The following ZNF497 variants were observed in gnomAD, a reference collection of about 807,000 sequenced individuals.
ZNF497 encodes zinc finger-like protein.
For synonymous variants in ZNF497, 422 were observed against 313.7 expected (o/e 1.35, Z -3.65); for missense variants, 930 against 714.0 (o/e 1.30, Z -3.45).
rs2052035527 is a variant in ZNF497 at position 58,357,144 on chromosome 19, G to A, written c.492C>T (p.Cys164=). The A allele has an allele frequency of 1.9e-6, 3 of 1,603,022 alleles. No homozygotes were observed. Among genetic ancestry groups the A allele is most frequent in the Non-Finnish European group, 2.6e-6 (3 of 1,172,558 alleles). The change falls in exon 3 of 3, where the codon TGC becomes TGT. Residue 164 remains cysteine, a synonymous_variant. Transcript: ENST00000311044. ...RIHSGEKPYA[C]RECGKAFRAH... ...CGCGGAAGGCCTTGCCGCACTCCCTGCAAGCGTAGGGCTTCTCGCCGCTGT... is the reference window on the plus strand; with the variant it reads ...CGCGGAAGGCCTTGCCGCACTCCCTACAAGCGTAGGGCTTCTCGCCGCTGT...
Position 58,355,966 on chromosome 19 carries a change from G to A in ZNF497, c.*173C>T, listed in dbSNP as rs2052011985. 5.6e-6 allele frequency: 4 copies of A among 719,070 alleles called. No individual in the cohort carries two copies. The highest frequency in any genetic ancestry group is 2.2e-5 in the South Asian group (1 of 45,304). The allele number at this position is 719,070 out of a possible 1,614,324, so 44.5% of individuals were successfully genotyped here. A position where few individuals can be genotyped will look rare whatever the true frequency, so the allele number is the denominator to read the frequency against. ...AGGCCTGGGTGGCCGGTGGACTATC[G>A]TCAAAGGGACTGTGCAGCCAGGGTT... On this transcript the variant is annotated 3_prime_UTR_variant, in exon 3 of 3. Transcript: ENST00000311044.
intron 2 of ZNF497, chr19:58,357,967 T>C (rs1294820386): frequency 3.1e-6 from 4 of 1,300,466 alleles, no homozygotes; most frequent in East Asian, 7.1e-5. Context: ...CTGGCCCTAC[T>C]GTGGCACCAC....
At position 58,356,902 on chromosome 19, in the gene ZNF497, G is replaced by T. The variant is rs756819130; in HGVS notation, c.734C>A (p.Pro245Gln). ...CTTGCCACAGTCCCGGCAGGCGTGCGGCCGCGCGCCCGTGTGCACGCGCCG... is the reference window on the plus strand; with the variant it reads ...CTTGCCACAGTCCCGGCAGGCGTGCTGCCGCGCGCCCGTGTGCACGCGCCG... ...EHRRVHTGAR[P>Q]HACRDCGKAF... Residue 245 changes from proline (P) to glutamine (Q), a missense_variant, in exon 3 of 3, where the codon CCG becomes CAG. Physicochemically the swap from Pro to Gln is moderately conservative, Grantham distance 76. Transcript: ENST00000311044. 1 of 1,591,906 alleles carries T rather than the reference G, an allele frequency of 6.3e-7. No individual in the cohort carries two copies.
rs927963522 is a variant in ZNF497 at position 58,359,063 on chromosome 19, G to T, written c.-111-478C>A. 9.4e-6 allele frequency: 6 copies of T among 635,760 alleles called. No homozygotes were observed. In the African/African-American group the frequency reaches 1.1e-4, roughly 12 times the overall value. The allele number at this position is 635,760 out of a possible 1,614,324, so 39.4% of individuals were successfully genotyped here. A position where few individuals can be genotyped will look rare whatever the true frequency, so the allele number is the denominator to read the frequency against. On this transcript the variant is annotated intron_variant, in intron 1 of 2. Coordinates refer to ENST00000311044, the MANE Select transcript of ZNF497 (RefSeq NM_198458.3). ...CAAGAGCTCCAGCATCTGCTCCTTGGAGCAGGCCTCAGGCATCAGCCACTG... is the reference window on the plus strand; with the variant it reads ...CAAGAGCTCCAGCATCTGCTCCTTGTAGCAGGCCTCAGGCATCAGCCACTG...
intron 1 of ZNF497, among the ~76,000 whole-genome samples, chr19:58,360,317 T>C (rs1352517267): frequency 6.6e-6 from 1 of 152,092 alleles, no homozygotes; most frequent in Non-Finnish European, 1.5e-5. Flanking sequence ...TTAAAAAAGT[T>C]ACCACCCAAT....
At chr19:58,360,657 T>C (rs2052081832) in intron 1 of ZNF497, among the ~76,000 whole-genome samples, 1 of 151,970 alleles carries the variant, frequency 6.6e-6, no homozygotes, top group Non-Finnish European at 1.5e-5. Context: ...GCCTCCCCAG[T>C]AGCTGGGATT....
chr19:58,356,203 G>A lies in ZNF497; in HGVS notation c.1433C>T (p.Pro478Leu), dbSNP rs1427493136. The A allele has an allele frequency of 6.3e-7, 1 of 1,599,932 alleles. No homozygotes were observed. Among genetic ancestry groups the A allele is most frequent in the African/African-American group, 1.3e-5 (1 of 74,726 alleles). The part of the protein sequence containing the change: ...RPYACGECGK[P>L]FSHRCNLNEH... ...GTTGAGGTTGCAACGGTGGCTGAAA[G>A]GCTTCCCGCACTCGCCGCAAGCGTA... The change falls in exon 3 of 3, where the codon CCT (proline) becomes CTT (leucine). Residue 478 changes from proline to leucine, a missense_variant. Transcript: ENST00000311044.
At chr19:58,357,888 G>A in intron 2 of ZNF497, 1 of 1,366,374 alleles carries the variant, frequency 7.3e-7, no homozygotes, top group African/African-American at 1.5e-5. Flanking sequence ...CCCACACCCG[G>A]CCCGGCCCAG....
At chr19:58,361,556 C>A (rs558746453) in intron 1 of ZNF497, among the ~76,000 whole-genome samples, 21 of 152,150 alleles carry the variant, frequency 1.4e-4, no homozygotes, top group Middle Eastern at 3.4e-3. Flanking sequence ...GGGGTTTCAC[C>A]ATGTTGCTCA....
rs575340114 is a variant in ZNF497 at position 58,360,114 on chromosome 19, A to C, written c.-111-1529T>G. 2.2e-4 allele frequency among the ~76,000 whole-genome samples: 33 copies of C among 152,358 alleles called. No homozygotes were observed. In the East Asian group the frequency reaches 5.8e-3, roughly 27 times the overall value. On this transcript the variant is annotated intron_variant, in intron 1 of 2. Transcript: ENST00000311044. ...TCCATTTATGTGAAATGTCCAGAAC[A>C]GATAAGTCTGTAAGAGACAGAAAGT...
chr19:58,356,797 C>A lies in ZNF497; in HGVS notation c.839G>T (p.Gly280Val). The A allele has an allele frequency of 6.3e-7, 1 of 1,579,136 alleles. No individual in the cohort carries two copies. ...GARPHACPDC[G>V]KAFVRVAGLR... ...CCCCGCCACACGCACGAAGGCCTTGCCGCAGTCGGGACAGGCGTGTGGCCG... is the reference window on the plus strand; with the variant it reads ...CCCCGCCACACGCACGAAGGCCTTGACGCAGTCGGGACAGGCGTGTGGCCG... The change falls in exon 3 of 3, where the codon GGC becomes GTC. Residue 280 changes from glycine (G) to valine (V), a missense_variant. Coordinates refer to ENST00000311044, the MANE Select transcript of ZNF497 (RefSeq NM_198458.3).
Position 58,356,356 on chromosome 19 carries a change from G to T in ZNF497, c.1280C>A (p.Ser427Tyr). 2 of 1,566,588 alleles carry T rather than the reference G, an allele frequency of 1.3e-6. No individual in the cohort carries two copies. Among genetic ancestry groups the T allele is most frequent in the South Asian group, 2.3e-5 (2 of 86,294 alleles). The change falls in exon 3 of 3, where the codon TCC (serine) becomes TAC (tyrosine). Residue 427 changes from serine to tyrosine, a missense_variant. Ser to Tyr is a moderately radical substitution (Grantham distance 144). Transcript: ENST00000311044. ...CAGGCGCTGGTGCTGGCGCAGCTCG[G>T]AGCTGCCGCGGAAGGCCTTGCCGCA... ...AECGKAFRGS[S>Y]ELRQHQRLHS...
intron 1 of ZNF497, 122 bp downstream of exon 1, chr19:58,362,555 C>G (rs1388708884): frequency 1.3e-5 from 2 of 152,196 alleles, no homozygotes; most frequent in African/African-American, 4.8e-5. Flanking sequence ...GGAGGCCTAT[C>G]TCTCGGTGGT....
At chr19:58,361,790 C>T (rs544315460) in intron 1 of ZNF497, among the ~76,000 whole-genome samples, 1 of 152,184 alleles carries the variant, frequency 6.6e-6, no homozygotes, top group African/African-American at 2.4e-5. Context: ...CATCTGATTT[C>T]AATAAAAATC....
At position 58,356,058 on chromosome 19, in the gene ZNF497, C is replaced by T; in HGVS notation, c.*81G>A. Reference sequence around the variant, plus strand: ...GCCCGCACCGGCGGCCCGAAAAAGTCTGGGCCAGCAGACAGCGCACTCACG... The same window carrying T: ...GCCCGCACCGGCGGCCCGAAAAAGTTTGGGCCAGCAGACAGCGCACTCACG... On this transcript the variant is annotated 3_prime_UTR_variant, in exon 3 of 3. Transcript: ENST00000311044. 1 of 1,424,896 alleles carries T rather than the reference C, an allele frequency of 7.0e-7. No individual in the cohort carries two copies. The highest frequency in any genetic ancestry group is 1.5e-5 in the South Asian group (1 of 67,920). 88.3% of individuals were successfully genotyped at this position (1,424,896 alleles called of 1,614,324 possible). A position where few individuals can be genotyped will look rare whatever the true frequency, so the allele number is the denominator to read the frequency against.
chr19:58,362,037 C>G (rs2052099608), intron 1 of ZNF497, among the ~76,000 whole-genome samples: 1 of 152,222 alleles, frequency 6.6e-6, no homozygotes, highest in Non-Finnish European at 1.5e-5. Context: ...GTCCTCACGT[C>G]CACGCTGCGT....
At chr19:58,358,894 C>T (rs753380093) in intron 1 of ZNF497, 10 of 455,738 alleles carry the variant, frequency 2.2e-5, no homozygotes, top group South Asian at 1.6e-4. Flanking sequence ...CAGACCAGCC[C>T]CCACTCATCT....
In ZNF497 at chr19:58,357,102, G is replaced by A. The variant is rs144482639; in HGVS notation, c.534C>T (p.Ile178=). 13 of 1,607,966 alleles carry A rather than the reference G, an allele frequency of 8.1e-6. No individual in the cohort carries two copies. Among genetic ancestry groups the A allele is most frequent in the Non-Finnish European group, 9.4e-6 (11 of 1,176,056 alleles). Residue 178 remains isoleucine (I), a synonymous_variant, in exon 3 of 3, where the codon ATC becomes ATT. Coordinates refer to ENST00000311044, the MANE Select transcript of ZNF497 (RefSeq NM_198458.3). ...GKAFRAHSQL[I]HHQETHSGLK... ...GGCCGCTGTGTGTCTCCTGGTGGTGGATGAGCTGCGAGTGCGCGCGGAAGG... is the reference window on the plus strand; with the variant it reads ...GGCCGCTGTGTGTCTCCTGGTGGTGAATGAGCTGCGAGTGCGCGCGGAAGG...
chr19:58,359,533 C>T (rs1331309799), intron 1 of ZNF497: 7 of 451,636 alleles, frequency 1.5e-5, no homozygotes, highest in East Asian at 7.0e-5. Flanking sequence ...CCCGCCTCCC[C>T]GCTTTTCTTG....
Sources: allele counts gnomAD v4.1 joint callset (sites outside exome capture counted in the v4.1 genomes callset), GRCh38; gene constraint gnomAD v4.1.1; transcripts MANE v1.5; gene names NCBI Gene and HGNC (gene_info 2026-07-23, HGNC 2026-07-21).